Variants in GP6 observed in about 807,000 individuals in gnomAD.
The protein encoded by GP6 is glycoprotein VI platelet.
In GP6, 45 loss-of-function variants were observed where a neutral mutation model predicts 37.3. The observed-to-expected ratio is 1.21, with a 90% CI of 0.95 to 1.55. GP6 has a LOEUF of 1.55. Among genes scored for constraint, GP6 ranks in the 40% most tolerant of loss-of-function variants. The pLI is 0.00. For synonymous variants in GP6, 340 were observed against 316.4 expected (o/e 1.07, Z -0.79); for missense variants, 813 against 760.2 (o/e 1.07, Z -0.82).
In GP6 at chr19:55,038,255, T is replaced by C. The variant is rs2074915197; in HGVS notation, c.-19A>G. ...GAGACATGGTTCCTCAGCCCTGTCCTGAGCTCTGTGGCCAGGGAGGGAAGT... is the reference window on the plus strand; with the variant it reads ...GAGACATGGTTCCTCAGCCCTGTCCCGAGCTCTGTGGCCAGGGAGGGAAGT... On this transcript the variant is annotated 5_prime_UTR_variant, in exon 1 of 8. Transcript: ENST00000310373. 6.3e-7 allele frequency: 1 copy of C among 1,578,520 alleles called. No individual in the cohort carries two copies. The highest frequency in any genetic ancestry group is 8.6e-7 in the Non-Finnish European group (1 of 1,159,856).
At chr19:55,028,684 A>T (rs2074401880) in intron 3 of GP6, among the ~76,000 whole-genome samples, 1 of 152,212 alleles carries the variant, frequency 6.6e-6, no homozygotes, top group South Asian at 2.1e-4. Context: ...AATAAATAAA[A>T]AACTTGTCCA....
Position 55,014,211 on chromosome 19 carries a change from C to T in GP6, c.1734G>A (p.Glu578=). ...CTCTGCCTCCCAGGCTCAAGCCATT[C>T]TCCCACCTCAGCCCCCTGAGTTGCT... The change falls in exon 8 of 8, where the codon GAG becomes GAA. Residue 578 remains glutamate, a synonymous_variant. Coordinates refer to ENST00000310373, the MANE Select transcript of GP6 (RefSeq NM_001083899.2). The T allele has an allele frequency of 1.3e-6, 1 of 766,732 alleles. No homozygotes were observed. Among genetic ancestry groups the T allele is most frequent in the Non-Finnish European group, 2.3e-6 (1 of 433,368 alleles). The allele number at this position is 766,732 out of a possible 1,614,324, so 47.5% of individuals were successfully genotyped here. A position where few individuals can be genotyped will look rare whatever the true frequency, so the allele number is the denominator to read the frequency against.
At chr19:55,035,347 G>C (rs764239061) in intron 1 of GP6, among the ~76,000 whole-genome samples, 1 of 152,080 alleles carries the variant, frequency 6.6e-6, no homozygotes, top group South Asian at 2.1e-4. Context: ...AGTATGTCTT[G>C]GAGATCTACT....
chr19:55,034,021 T>G (rs989728460), intron 1 of GP6, among the ~76,000 whole-genome samples: 3 of 152,090 alleles, frequency 2.0e-5, no homozygotes, highest in Admixed American at 6.6e-5. Flanking sequence ...CTTACCCTGA[T>G]CTGATTACTA....
At position 55,014,735 on chromosome 19, in the gene GP6, G is replaced by GCAGA. The variant is rs768134535; in HGVS notation, c.1206_1209dup (p.Pro404SerfsTer61). On this transcript the variant is annotated frameshift_variant, in exon 8 of 8. Transcript: ENST00000310373. LOFTEE classifies it low-confidence loss of function (END_TRUNC). ...ATGGAGGGTGCCCTCAGACAGAGAG[G>GCAGA]CAGACAGACAGACAGACACTGGCCG... 0.032 allele frequency: 52,081 copies of GCAGA among 1,613,468 alleles called. 1,636 individuals carry two copies. Among genetic ancestry groups the GCAGA allele is most frequent in the East Asian group, 0.17 (7,563 of 44,788 alleles).
In GP6 at chr19:55,016,726, A is replaced by G. The variant is rs1249684211; in HGVS notation, c.725-993T>C. ...CCTGAGACTCGCCAGGTACTCAGCC[A>G]TGTGCTGGGCCATGGGAACCCAAAT... is the stretch of plus-strand genomic sequence containing the variant. On this transcript the variant is annotated intron_variant, in intron 6 of 7. Coordinates refer to ENST00000310373, the MANE Select transcript of GP6 (RefSeq NM_001083899.2). Among the ~76,000 whole-genome samples the G allele has an allele frequency of 3.3e-5, 5 of 151,466 alleles. No homozygotes were observed. In the South Asian group the frequency reaches 6.3e-4, roughly 19 times the overall value.
chr19:55,015,188 G>A (rs543380700), intron 7 of GP6, 23 bp from the exon 8 acceptor site: 11 of 1,551,774 alleles, frequency 7.1e-6, no homozygotes, highest in African/African-American at 6.8e-5. Context: ...GGAGAGGCAG[G>A]AGCAGGTGAA....
chr19:55,032,121 C>A lies in GP6; in HGVS notation c.325+18G>T, dbSNP rs115456071. ...CGGAGGACCACGCAGTCCCAGGCTC[C>A]GATCCCCCTTCCTTTACCCGTGGCA... is the stretch of plus-strand genomic sequence containing the variant. On this transcript the variant is annotated intron_variant, in intron 3 of 7. Coordinates refer to ENST00000310373, the MANE Select transcript of GP6 (RefSeq NM_001083899.2). 6.2e-7 allele frequency: 1 copy of A among 1,612,254 alleles called. No individual in the cohort carries two copies. Among genetic ancestry groups the A allele is most frequent in the African/African-American group, 1.3e-5 (1 of 74,890 alleles).
chr19:55,032,400 G>A lies in GP6; in HGVS notation c.68-4C>T. On this transcript the variant is annotated splice_region_variant and splice_polypyrimidine_tract_variant and intron_variant, in intron 2 of 7. Transcript: ENST00000310373. ...AGGGAGGGCTTGGGGAGCGGTCCTG[G>A]AAGAGGAGCAGGGCTGGGTCAGCCT... 1 of 1,612,620 alleles carries A rather than the reference G, an allele frequency of 6.2e-7. No individual in the cohort carries two copies. Among genetic ancestry groups the A allele is most frequent in the South Asian group, 1.1e-5 (1 of 90,874 alleles).
intron 1 of GP6, 106 bp from the exon 2 acceptor site, chr19:55,032,644 C>G: frequency 8.6e-7 from 1 of 1,157,718 alleles, no homozygotes; most frequent in Non-Finnish European, 1.3e-6. Flanking sequence ...TTACTCTGTC[C>G]TAATAATTTC....
chr19:55,024,877 T>G (rs905764038), intron 5 of GP6, among the ~76,000 whole-genome samples: 10 of 150,704 alleles, frequency 6.6e-5, no homozygotes, highest in East Asian at 2.0e-4. Context: ...TCTACAGGTT[T>G]GTTGGTTGGT....
intron 5 of GP6, among the ~76,000 whole-genome samples, chr19:55,019,187 C>T (rs1602548354): frequency 6.9e-6 from 1 of 145,176 alleles, no homozygotes; most frequent in South Asian, 2.1e-4. Flanking sequence ...CTCACTGCAA[C>T]CTCCACCTCC....
intron 4 of GP6, among the ~76,000 whole-genome samples, chr19:55,026,713 C>A (rs1171351838): frequency 2.0e-5 from 3 of 151,984 alleles, no homozygotes; most frequent in African/African-American, 7.3e-5. Flanking sequence ...TAGTGAAACC[C>A]CGTCTCTACT....
At chr19:55,026,247 G>A (rs924932142) in intron 4 of GP6, among the ~76,000 whole-genome samples, 29 of 152,146 alleles carry the variant, frequency 1.9e-4, no homozygotes, top group African/African-American at 6.5e-4. Context: ...CAGTGGCGTT[G>A]GGTATGTTCA....
rs1313174521 is a variant in GP6 at position 55,014,477 on chromosome 19, A to G, written c.1468T>C (p.Ser490Pro). 1.5e-5 allele frequency: 24 copies of G among 1,614,042 alleles called. No homozygotes were observed. Among genetic ancestry groups the G allele is most frequent in the Non-Finnish European group, 2.0e-5 (24 of 1,179,894 alleles). Residue 490 changes from serine (S) to proline (P), a missense_variant, in exon 8 of 8, where the codon TCT becomes CCT. Coordinates refer to ENST00000310373, the MANE Select transcript of GP6 (RefSeq NM_001083899.2). ...CAGTGGGAGATGGAGTGAGGGTGAG[A>G]GTTTCTGGGGAAAACCAGACAAGAG...
chr19:55,015,752 C>CT lies in GP6; in HGVS notation c.725-20dup. 7.0e-7 allele frequency: 1 copy of CT among 1,429,806 alleles called. No individual in the cohort carries two copies. Among genetic ancestry groups the CT allele is most frequent in the Non-Finnish European group, 9.9e-7 (1 of 1,010,592 alleles). 88.6% of individuals were successfully genotyped at this position (1,429,806 alleles called of 1,614,324 possible). On this transcript the variant is annotated intron_variant, in intron 6 of 7. Transcript: ENST00000310373. The stretch of plus-strand genomic sequence containing the variant: ...GAAGTCTCTGGGAACCAAACAAAGG[C>CT]TAAGTGTGAAATGAAACCATATTCC...
At chr19:55,019,040 T>C (rs1410048727) in intron 5 of GP6, among the ~76,000 whole-genome samples, 1 of 152,120 alleles carries the variant, frequency 6.6e-6, no homozygotes, top group Admixed American at 6.5e-5. Flanking sequence ...GGTGGTGGAA[T>C]CACTGGGTCA....
chr19:55,019,115 T>C lies in GP6; in HGVS notation c.665-404A>G. Among the ~76,000 whole-genome samples the C allele has an allele frequency of 1.3e-5, 2 of 149,368 alleles. 1 individual carries two copies. Among genetic ancestry groups the C allele is most frequent in the East Asian group, 3.9e-4 (2 of 5,130 alleles). ...ACTTCTTTCTTTTTTTTCTTTTTTT[T>C]TTTTTTTTGAGACAGAGTCTCATTC... On this transcript the variant is annotated intron_variant, in intron 5 of 7. Transcript: ENST00000310373.
At chr19:55,026,609 A>G (rs926778839) in intron 4 of GP6, among the ~76,000 whole-genome samples, 27 of 151,584 alleles carry the variant, frequency 1.8e-4, no homozygotes, top group African/African-American at 6.5e-4. Flanking sequence ...ATGGTAGTCA[A>G]GTCCGACGCG....
Sources: allele counts gnomAD v4.1 joint callset (sites outside exome capture counted in the v4.1 genomes callset), GRCh38; gene constraint gnomAD v4.1.1; transcripts MANE v1.5; gene names NCBI Gene and HGNC (gene_info 2026-07-23, HGNC 2026-07-21).